Variants in ATL2 observed in about 807,000 individuals in gnomAD.
ATL2 encodes the protein atlastin-2.
In ATL2, 31 loss-of-function variants were observed where a neutral mutation model predicts 73.9. The ratio of observed to expected loss-of-function variants is 0.42; its 90% CI spans 0.32 to 0.57. The LOEUF (loss-of-function observed/expected upper bound fraction) is 0.57, where lower values mean the gene tolerates loss of function less well. ATL2 is among the 20% of genes least tolerant of loss of function. ATL2 has a pLI of 0.14. For missense variants in ATL2, 738 were observed against 702.6 expected (o/e 1.05, Z -0.57); for synonymous variants, 291 against 237.5 (o/e 1.23, Z -2.07).
At chr2:38,347,831 A>G (rs1460636863) in intron 1 of ATL2, among the ~76,000 whole-genome samples, 1 of 140,786 alleles carries the variant, frequency 7.1e-6, no homozygotes, top group Admixed American at 7.4e-5. Context: ...CAGTGGTGAG[A>G]TCTCGACTCA....
chr2:38,339,198 G>A lies in ATL2; in HGVS notation c.363+4070C>T, dbSNP rs368549307. ...GCTACTGCACTCCAGCCTGGGCAAC[G>A]AGGGAAACTACGTCTCAAAAAAAAG... is the stretch of plus-strand genomic sequence containing the variant. On this transcript the variant is annotated intron_variant, in intron 2 of 12. Coordinates refer to ENST00000378954, the MANE Select transcript of ATL2 (RefSeq NM_001135673.4). Among the ~76,000 whole-genome samples, 226 of 152,056 alleles carry A rather than the reference G, an allele frequency of 1.5e-3. 1 individual carries two copies. Among genetic ancestry groups the A allele is most frequent in the African/African-American group, 4.9e-3 (202 of 41,482 alleles).
intron 1 of ATL2, among the ~76,000 whole-genome samples, chr2:38,364,011 C>G (rs1250740262): frequency 6.6e-6 from 1 of 152,178 alleles, no homozygotes. Context: ...CGCCTGTAAT[C>G]CCAGCACTTT....
At chr2:38,360,771 T>C (rs979659885) in intron 1 of ATL2, among the ~76,000 whole-genome samples, 2 of 152,194 alleles carry the variant, frequency 1.3e-5, no homozygotes, top group African/African-American at 4.8e-5. Context: ...ACTTTTGTTA[T>C]GTGGACCAGA....
At chr2:38,327,791 C>T (rs927493831) in intron 2 of ATL2, among the ~76,000 whole-genome samples, 10 of 152,158 alleles carry the variant, frequency 6.6e-5, no homozygotes, top group Admixed American at 2.6e-4. Flanking sequence ...CAAAACTTAG[C>T]GGGGCGTGGT....
chr2:38,313,498 T>C (rs1041909061), intron 6 of ATL2, among the ~76,000 whole-genome samples: 2 of 152,118 alleles, frequency 1.3e-5, no homozygotes, highest in Non-Finnish European at 2.9e-5. Context: ...CAAGCAGTAA[T>C]ACAGGACTTT....
chr2:38,377,804 G>GCTTTT (rs1484861914), upstream of ATL2, among the ~76,000 whole-genome samples: 1 of 141,324 alleles, frequency 7.1e-6, no homozygotes, highest in Non-Finnish European at 1.5e-5. Flanking sequence ...CCAGTGCCCT[G>GCTTTT]CTTTTCCTCT....
intron 7 of ATL2, among the ~76,000 whole-genome samples, 182 bp from the exon 8 acceptor site, chr2:38,310,629 C>CTTTT (rs538258408): frequency 2.4e-5 from 3 of 127,290 alleles, no homozygotes; most frequent in Admixed American, 1.6e-4. Context: ...TAAGACCCCA[C>CTTTT]TTTTTTTTTT....
At chr2:38,351,223 T>C (rs1413583384) in intron 1 of ATL2, among the ~76,000 whole-genome samples, 1 of 152,156 alleles carries the variant, frequency 6.6e-6, no homozygotes, top group Non-Finnish European at 1.5e-5. Flanking sequence ...ACATTTATAT[T>C]TCATACCCAA....
intron 1 of ATL2, chr2:38,359,692 T>G (rs1322691177): frequency 1.3e-5 from 2 of 152,184 alleles, no homozygotes; most frequent in Non-Finnish European, 2.9e-5. Context: ...AATACTTTTA[T>G]GCATTTATTA....
Position 38,300,390 on chromosome 2 carries a change from GAA to G in ATL2, c.1072-64_1072-63del, listed in dbSNP as rs1391581211. Reference sequence around the variant, plus strand: ...TGCAATTTGGCTCCACATCCCCAAAGAAAGAAAAGTCATTAAATATAAAAATA... The same window carrying G: ...TGCAATTTGGCTCCACATCCCCAAAGAGAAAAGTCATTAAATATAAAAATA... On this transcript the variant is annotated intron_variant, in intron 9 of 12. Transcript: ENST00000378954. 4 of 1,127,232 alleles carry G rather than the reference GAA, an allele frequency of 3.5e-6. No homozygotes were observed. The East Asian group carries it at 9.4e-5, about 27-fold the overall frequency. The allele number at this position is 1,127,232 out of a possible 1,614,324, so 69.8% of individuals were successfully genotyped here. A position where few individuals can be genotyped will look rare whatever the true frequency, so the allele number is the denominator to read the frequency against.
intron 10 of ATL2, among the ~76,000 whole-genome samples, chr2:38,299,914 G>T (rs1365203141): frequency 6.6e-6 from 1 of 152,114 alleles, no homozygotes; most frequent in East Asian, 1.9e-4. Context: ...ATAAAAATAA[G>T]ACTTATTCCA....
intron 9 of ATL2, among the ~76,000 whole-genome samples, chr2:38,303,146 A>G (rs1667271138): frequency 6.6e-6 from 1 of 152,240 alleles, no homozygotes; most frequent in African/African-American, 2.4e-5. Flanking sequence ...TAAAGAATAA[A>G]GCAGAAATCC....
chr2:38,359,120 A>G (rs1280965087), intron 1 of ATL2, among the ~76,000 whole-genome samples: 4 of 152,224 alleles, frequency 2.6e-5, no homozygotes, highest in Non-Finnish European at 1.5e-5. Flanking sequence ...TTTCTCCCTT[A>G]GACTTGTCCC....
At position 38,294,226 on chromosome 2, in the gene ATL2, A is replaced by G. The variant is rs1666762156; in HGVS notation, c.*1768T>C. Among the ~76,000 whole-genome samples the G allele has an allele frequency of 6.6e-6, 1 of 152,188 alleles. No individual in the cohort carries two copies. Among genetic ancestry groups the G allele is most frequent in the Non-Finnish European group, 1.5e-5 (1 of 68,032 alleles). ...TAAATTCAGAGTTTTCACACATGCA[A>G]CTCAACACCTGCATTCTCTTCGCTT... On this transcript the variant is annotated 3_prime_UTR_variant, in exon 13 of 13. Transcript: ENST00000378954.
chr2:38,319,223 C>G (rs1238719726), intron 2 of ATL2, among the ~76,000 whole-genome samples: 1 of 152,166 alleles, frequency 6.6e-6, no homozygotes, highest in Non-Finnish European at 1.5e-5. Flanking sequence ...CTCCTCCAAA[C>G]TCGAATCTTC....
chr2:38,299,277 G>A lies in ATL2; in HGVS notation c.1179C>T (p.Thr393=). ...NLAAVAGARD[T]YCKSMEQVCG... ...AAACCTGTTCCATACTTTTACAATA[G>A]GTATCTCTTGCTCCTGCTACTGCAG... The change falls in exon 11 of 13, where the codon ACC becomes ACT. Residue 393 remains threonine, a synonymous_variant. Transcript: ENST00000378954. The A allele has an allele frequency of 1.3e-6, 2 of 1,516,110 alleles. No homozygotes were observed. Among genetic ancestry groups the A allele is most frequent in the Non-Finnish European group, 8.7e-7 (1 of 1,143,520 alleles). 93.9% of individuals were successfully genotyped at this position (1,516,110 alleles called of 1,614,324 possible). A position where few individuals can be genotyped will look rare whatever the true frequency, so the allele number is the denominator to read the frequency against.
upstream of ATL2, among the ~76,000 whole-genome samples, chr2:38,377,442 C>A (rs1434618530): frequency 6.6e-6 from 1 of 150,766 alleles, no homozygotes; most frequent in African/African-American, 2.4e-5. Flanking sequence ...TCCGCCCCCG[C>A]CCCGCCCATC....
At chr2:38,346,869 G>A (rs1313624421) in intron 1 of ATL2, among the ~76,000 whole-genome samples, 1 of 152,160 alleles carries the variant, frequency 6.6e-6, no homozygotes, top group Non-Finnish European at 1.5e-5. Flanking sequence ...AGATCCTCAT[G>A]CTGCTAAGCT....
rs1210034133 is a variant in ATL2, at chr2:38,294,529, CAG to C, written c.*1463_*1464del. Among the ~76,000 whole-genome samples the C allele has an allele frequency of 5.9e-5, 9 of 151,892 alleles. No individual in the cohort carries two copies. The highest frequency in any genetic ancestry group is 4.6e-4 in the Admixed American group (7 of 15,254). On this transcript the variant is annotated 3_prime_UTR_variant, in exon 13 of 13. Transcript: ENST00000378954. ...CACCACTGCACTCCAGCCTGGGTGA[CAG>C]AGAGAGACTCCGTCTCAAAAAAGAA...
Sources: gnomAD v4.1 joint callset for allele counts (sites outside exome capture counted in the v4.1 genomes callset) on GRCh38, gnomAD v4.1.1 for gene constraint, MANE v1.5 for transcripts, NCBI Gene and HGNC (gene_info 2026-07-23, HGNC 2026-07-21) for gene names.